The following PRDM2 variants were observed in gnomAD, a reference collection of about 807,000 sequenced individuals.
PRDM2 encodes the protein PR/SET domain 2.
A neutral mutation model predicts 130.0 loss-of-function variants in PRDM2; 30 were observed. The observed-to-expected ratio is 0.23, with a 90% CI of 0.17 to 0.31. The LOEUF (loss-of-function observed/expected upper bound fraction) is 0.31, where lower values mean the gene tolerates loss of function less well. Ranked by LOEUF, PRDM2 falls within the 10% of genes least tolerant of loss-of-function variation. PRDM2 has a pLI of 1.00. For missense variants in PRDM2, 2,011 were observed against 2,108.4 expected, an observed-to-expected ratio of 0.95 and a Z score of 0.90; for synonymous variants, 871 against 782.4, an observed-to-expected ratio of 1.11 and a Z score of -1.89.
chr1:13,810,951 G>A (rs12405893), intron 8 of PRDM2, among the ~76,000 whole-genome samples: 6 of 151,852 alleles, frequency 4.0e-5, no homozygotes, highest in African/African-American at 1.2e-4. Flanking sequence ...TTGGGAGGCC[G>A]AGGTGGGTGG....
At chr1:13,716,017 T>G (rs1569704734) in intron 2 of PRDM2, among the ~76,000 whole-genome samples, 1 of 152,138 alleles carries the variant, frequency 6.6e-6, no homozygotes, top group African/African-American at 2.4e-5. Context: ...TATTGCGGCA[T>G]TATTCACAAT....
chr1:13,790,116 C>T (rs747860167), intron 8 of PRDM2, among the ~76,000 whole-genome samples: 5 of 152,110 alleles, frequency 3.3e-5, no homozygotes, highest in Non-Finnish European at 7.4e-5. Context: ...GTTCCAAGGC[C>T]CTACAATGAG....
At position 13,780,211 on chromosome 1, in the gene PRDM2, T is replaced by C. The variant is rs764610244; in HGVS notation, c.2416T>C (p.Ser806Pro). The C allele has an allele frequency of 3.7e-6, 6 of 1,605,878 alleles. No individual in the cohort carries two copies. The highest frequency in any genetic ancestry group is 5.1e-6 in the Non-Finnish European group (6 of 1,175,554). Residue 806 changes from serine to proline, a missense_variant, in exon 8 of 10, where the codon TCT (serine) becomes CCT (proline). Physicochemically the swap from Ser to Pro is moderately conservative, Grantham distance 74. Around this residue, in one of 5 missense-constraint regions of PRDM2, gnomAD observed 1,288 missense variants for 1,237.7 expected, o/e 1.04. Coordinates refer to ENST00000311066, the MANE Select transcript of PRDM2 (RefSeq NM_001393986.1). Reference protein sequence around the residue: ...SPPCFDEYKMSKEWTASSAFS... With the variant: ...SPPCFDEYKMPKEWTASSAFS... ...TCCATGCTTTGATGAATATAAAATG[T>C]CTAAAGAGTGGACAGCTAGTTCTGC... is the stretch of plus-strand genomic sequence containing the variant.
At chr1:13,817,259 A>G (rs1384815115) in intron 9 of PRDM2, among the ~76,000 whole-genome samples, 2 of 152,228 alleles carry the variant, frequency 1.3e-5, no homozygotes, top group African/African-American at 2.4e-5. Flanking sequence ...AATCCAAAAA[A>G]AATCCAAAAT....
intron 8 of PRDM2, among the ~76,000 whole-genome samples, chr1:13,807,157 C>T (rs1000044675): frequency 2.0e-5 from 3 of 152,178 alleles, no homozygotes; most frequent in South Asian, 2.1e-4. Flanking sequence ...TGGCCTCGTA[C>T]GGGCATCAAA....
chr1:13,799,737 C>T (rs1283564862), intron 8 of PRDM2, among the ~76,000 whole-genome samples: 4 of 152,278 alleles, frequency 2.6e-5, no homozygotes, highest in Admixed American at 1.3e-4. Flanking sequence ...CTGTTTATGC[C>T]GCTTGTATTT....
intron 1 of PRDM2, among the ~76,000 whole-genome samples, chr1:13,707,839 ACTGTT>A (rs983403172): frequency 1.6e-5 from 2 of 126,838 alleles, no homozygotes; most frequent in African/African-American, 6.0e-5. Context: ...TTTTTTTTGT[ACTGTT>A]GGAGGGGAGG....
chr1:13,821,187 T>A (rs1645345243), intron 9 of PRDM2, among the ~76,000 whole-genome samples: 1 of 145,812 alleles, frequency 6.9e-6, no homozygotes, highest in East Asian at 2.0e-4. Context: ...ACCTCTCTCA[T>A]GGGTTTGTTG....
At chr1:13,788,295 A>G (rs992236445) in intron 8 of PRDM2, among the ~76,000 whole-genome samples, 13 of 152,214 alleles carry the variant, frequency 8.5e-5, no homozygotes, top group Admixed American at 5.9e-4. Context: ...TAGTCAGACA[A>G]CGGTGCCGAG....
At position 13,824,963 on chromosome 1, in the gene PRDM2, G is replaced by A. The variant is rs1223553742; in HGVS notation, c.*1828G>A. 6.5e-6 allele frequency: 1 copy of A among 152,680 alleles called. No homozygotes were observed. The highest frequency in any genetic ancestry group is 1.5e-5 in the Non-Finnish European group (1 of 68,056). 9.5% of individuals were successfully genotyped at this position (152,680 alleles called of 1,614,324 possible). A position where few individuals can be genotyped will look rare whatever the true frequency, so the allele number is the denominator to read the frequency against. ...AACTGTTCCAATCATGAAAAGGGGG[G>A]ATGATTTTGTAAAAGTGGCATTTCC... On this transcript the variant is annotated 3_prime_UTR_variant, in exon 10 of 10. Coordinates refer to ENST00000311066, the MANE Select transcript of PRDM2 (RefSeq NM_001393986.1).
chr1:13,812,079 G>A (rs898797797), intron 8 of PRDM2, among the ~76,000 whole-genome samples: 1 of 152,208 alleles, frequency 6.6e-6, no homozygotes, highest in African/African-American at 2.4e-5. Flanking sequence ...CAGTGATGTG[G>A]TCCAGTGTCG....
chr1:13,804,133 A>G (rs2281164), intron 8 of PRDM2, among the ~76,000 whole-genome samples: 35,584 of 152,120 alleles, frequency 0.23, 5,028 homozygotes, highest in Admixed American at 0.37. Flanking sequence ...ATAACAGCCC[A>G]TCTGCTGGGA....
chr1:13,765,818 T>G (rs1644213531), intron 6 of PRDM2, among the ~76,000 whole-genome samples: 1 of 152,174 alleles, frequency 6.6e-6, no homozygotes, highest in Admixed American at 6.5e-5. Context: ...CGATTCCTCT[T>G]CCTTACCAAC....
chr1:13,728,237 G>C (rs1642987934), intron 2 of PRDM2, among the ~76,000 whole-genome samples: 1 of 152,262 alleles, frequency 6.6e-6, no homozygotes, highest in Non-Finnish European at 1.5e-5. Context: ...TAAGCTGGGG[G>C]AACACAACAC....
intron 8 of PRDM2, among the ~76,000 whole-genome samples, chr1:13,784,477 G>A (rs560965131): frequency 6.6e-6 from 1 of 152,136 alleles, no homozygotes; most frequent in African/African-American, 2.4e-5. Flanking sequence ...TGCTTGTTTT[G>A]TACTTGGCCC....
chr1:13,810,420 G>A (rs1645152160), intron 8 of PRDM2, among the ~76,000 whole-genome samples: 1 of 152,098 alleles, frequency 6.6e-6, no homozygotes, highest in African/African-American at 2.4e-5. Context: ...GTAAGCCATC[G>A]GCCGTATTCG....
intron 7 of PRDM2, among the ~76,000 whole-genome samples, chr1:13,777,878 A>C (rs1312619214): frequency 6.6e-6 from 1 of 151,926 alleles, no homozygotes; most frequent in Non-Finnish European, 1.5e-5. Context: ...TTGTGATTAC[A>C]TGATTCTGGA....
chr1:13,766,611 T>C (rs1644232828), intron 6 of PRDM2, among the ~76,000 whole-genome samples: 1 of 152,196 alleles, frequency 6.6e-6, no homozygotes, highest in South Asian at 2.1e-4. Flanking sequence ...GTGTCCTCGA[T>C]GACCATTCAT....
intron 6 of PRDM2, among the ~76,000 whole-genome samples, chr1:13,752,932 T>A (rs114547964): frequency 0.017 from 2,559 of 152,318 alleles, 40 homozygotes; most frequent in South Asian, 0.083. Flanking sequence ...AGAAACATGC[T>A]CTGTGAAGCT....
Sources: gnomAD v4.1 joint callset for allele counts (sites outside exome capture counted in the v4.1 genomes callset) on GRCh38, gnomAD v4.1.1 for gene constraint, gnomAD v4.1.1 regional missense constraint, MANE v1.5 for transcripts, NCBI Gene and HGNC (gene_info 2026-07-23, HGNC 2026-07-21) for gene names.